Variants in RIMS1 observed in about 807,000 individuals in gnomAD.
The protein encoded by RIMS1 is regulating synaptic membrane exocytosis protein 1.
In RIMS1, 83 loss-of-function variants were observed where a neutral mutation model predicts 214.1. The ratio of observed to expected loss-of-function variants is 0.39; its 90% confidence interval spans 0.32 to 0.47. The LOEUF (loss-of-function observed/expected upper bound fraction) is 0.47. Ranked by LOEUF, RIMS1 falls within the 20% of genes least tolerant of loss-of-function variation. The pLI, the probability that RIMS1 is intolerant of heterozygous loss-of-function variation, is 0.99. For missense variants in RIMS1, 2,050 were observed against 2,161.8 expected (o/e 0.95, Z 1.03); for synonymous variants, 793 against 786.8 (o/e 1.01, Z -0.13).
At chr6:72,059,044 A>C (rs1218369286) in intron 2 of RIMS1, among the ~76,000 whole-genome samples, 1 of 152,168 alleles carries the variant, frequency 6.6e-6, no homozygotes, top group Non-Finnish European at 1.5e-5. Context: ...TCCATTCAGA[A>C]CTATGTATCT....
At chr6:72,247,993 T>G (rs1192482326) in intron 11 of RIMS1, 22 bp from the exon 12 acceptor site, 1 of 1,450,910 alleles carries the variant, frequency 6.9e-7, no homozygotes, top group South Asian at 1.1e-5. Context: ...CAAATATTAC[T>G]TACTTTTTTT....
chr6:71,892,055 T>C (rs1408053312), intron 1 of RIMS1, among the ~76,000 whole-genome samples: 1 of 152,160 alleles, frequency 6.6e-6, no homozygotes, highest in African/African-American at 2.4e-5. Flanking sequence ...GTTGGGTATT[T>C]TAGAGTTGGT....
intron 4 of RIMS1, among the ~76,000 whole-genome samples, chr6:72,154,097 A>G (rs2044112510): frequency 6.6e-6 from 1 of 152,164 alleles, no homozygotes; most frequent in South Asian, 2.1e-4. Flanking sequence ...AAAAAAAAAT[A>G]CACACACGCA....
intron 4 of RIMS1, 31 bp from the exon 5 acceptor site, chr6:72,179,544 A>G: frequency 6.5e-7 from 1 of 1,533,390 alleles, no homozygotes; most frequent in East Asian, 2.3e-5. Flanking sequence ...GAGGGCATAA[A>G]AATTTATATT....
rs1425542047 is a variant in RIMS1 at position 72,156,083 on chromosome 6, A to G, written c.472-23492A>G. On this transcript the variant is annotated intron_variant, in intron 4 of 33. Coordinates refer to ENST00000521978, the MANE Select transcript of RIMS1 (RefSeq NM_014989.7). ...GGAGTTCCCTCAGAAAATTATAAATAGAAGTACTATATGATCCAGCAATCT... is the reference window on the plus strand; with the variant it reads ...GGAGTTCCCTCAGAAAATTATAAATGGAAGTACTATATGATCCAGCAATCT... The G allele has an allele frequency of 8.3e-6, 3 of 360,190 alleles. 1 individual carries two copies. Among genetic ancestry groups the G allele is most frequent in the Non-Finnish European group, 1.7e-5 (3 of 176,696 alleles). 22.3% of individuals were successfully genotyped at this position (360,190 alleles called of 1,614,324 possible).
At chr6:72,060,373 A>C (rs932784954) in intron 2 of RIMS1, among the ~76,000 whole-genome samples, 2 of 152,090 alleles carry the variant, frequency 1.3e-5, no homozygotes, top group African/African-American at 4.8e-5. Context: ...CTCCAGATTA[A>C]ACTTCCATCT....
At chr6:72,198,069 G>A (rs1427280076) in intron 6 of RIMS1, among the ~76,000 whole-genome samples, 2 of 151,992 alleles carry the variant, frequency 1.3e-5, no homozygotes, top group Non-Finnish European at 2.9e-5. Flanking sequence ...AAACAAAATA[G>A]AACAACCATA....
chr6:72,297,937 T>C (rs1178767177), intron 26 of RIMS1, among the ~76,000 whole-genome samples: 2 of 151,994 alleles, frequency 1.3e-5, no homozygotes, highest in African/African-American at 2.4e-5. Context: ...TCTATCTTAT[T>C]AGAGAATTCA....
Position 72,071,039 on chromosome 6 carries a change from T to G in RIMS1, c.246-25910T>G, listed in dbSNP as rs142200114. 2.9e-3 allele frequency among the ~76,000 whole-genome samples: 445 copies of G among 152,324 alleles called. 1 individual carries two copies. The highest frequency in any genetic ancestry group is 4.8e-3 in the Admixed American group (74 of 15,302). ...AAGTTTTATTAGAACACAGATGTCC[T>G]CAGGAAAAAGTTTGCCTATGGTGAT... On this transcript the variant is annotated intron_variant, in intron 2 of 33. Coordinates refer to ENST00000521978, the MANE Select transcript of RIMS1 (RefSeq NM_014989.7).
intron 29 of RIMS1, among the ~76,000 whole-genome samples, chr6:72,342,847 A>C (rs1335897778): frequency 6.6e-6 from 1 of 151,798 alleles, no homozygotes; most frequent in Non-Finnish European, 1.5e-5. Context: ...TTTTTCCTTG[A>C]GTATGACAGA....
At chr6:72,328,595 C>CT (rs2096560987) in intron 28 of RIMS1, among the ~76,000 whole-genome samples, 1 of 151,694 alleles carries the variant, frequency 6.6e-6, no homozygotes, top group South Asian at 2.1e-4. Flanking sequence ...ACTTGGACAA[C>CT]TATCCCTATG....
chr6:72,269,366 C>A (rs2081998122), intron 22 of RIMS1, among the ~76,000 whole-genome samples: 1 of 152,106 alleles, frequency 6.6e-6, no homozygotes, highest in South Asian at 2.1e-4. Context: ...AGGTATTTCC[C>A]TAGCTCCACC....
At chr6:71,944,702 G>A (rs1787241417) in intron 1 of RIMS1, among the ~76,000 whole-genome samples, 1 of 152,168 alleles carries the variant, frequency 6.6e-6, no homozygotes, top group South Asian at 2.1e-4. Context: ...AAATCCATTT[G>A]TAACATTGGT....
intron 28 of RIMS1, among the ~76,000 whole-genome samples, chr6:72,329,377 A>T (rs2096584438): frequency 6.6e-6 from 1 of 151,832 alleles, no homozygotes; most frequent in South Asian, 2.1e-4. Flanking sequence ...AAACCCTTGT[A>T]ATTTTGTACA....
intron 1 of RIMS1, among the ~76,000 whole-genome samples, chr6:71,919,521 T>C (rs1217329778): frequency 6.6e-6 from 1 of 152,060 alleles, no homozygotes; most frequent in Non-Finnish European, 1.5e-5. Flanking sequence ...TAGTAGGCAA[T>C]TTAAAATTTA....
chr6:72,004,083 T>C (rs1346893176), intron 2 of RIMS1, among the ~76,000 whole-genome samples: 19 of 140,474 alleles, frequency 1.4e-4, no homozygotes, highest in African/African-American at 4.2e-4. Context: ...TGTGTTCTCA[T>C]TGTTCAATTC....
chr6:72,220,130 C>G (rs910991073), intron 6 of RIMS1, among the ~76,000 whole-genome samples: 1 of 152,032 alleles, frequency 6.6e-6, no homozygotes, highest in East Asian at 1.9e-4. Context: ...AAGTGCCTGG[C>G]TTAAATAGTG....
intron 10 of RIMS1, among the ~76,000 whole-genome samples, chr6:72,244,673 A>T (rs2068602803): frequency 6.6e-6 from 1 of 151,822 alleles, no homozygotes; most frequent in African/African-American, 2.4e-5. Context: ...ATAAATGTAT[A>T]GTCATACAAA....
chr6:72,062,940 A>G (rs942006163), intron 2 of RIMS1, among the ~76,000 whole-genome samples: 12 of 151,938 alleles, frequency 7.9e-5, no homozygotes, highest in African/African-American at 2.9e-4. Flanking sequence ...GGCTCTCTCT[A>G]ATAATCTCGT....
Sources: allele counts gnomAD v4.1 joint callset (sites outside exome capture counted in the v4.1 genomes callset), GRCh38; gene constraint gnomAD v4.1.1; transcripts MANE v1.5; gene names NCBI Gene and HGNC (gene_info 2026-07-23, HGNC 2026-07-21).